DACH1: variants seen among roughly 807,000 people sequenced by gnomAD.
The protein encoded by DACH1 is dachshund family transcription factor 1.
In DACH1, 12 loss-of-function variants were observed where a neutral mutation model predicts 54.2. That is an observed-to-expected ratio of 0.22 (90% CI 0.14 to 0.36). The LOEUF (loss-of-function observed/expected upper bound fraction) is 0.36. Ranked by LOEUF, DACH1 falls within the 10% of genes least tolerant of loss-of-function variation. DACH1 has a pLI of 1.00. For missense variants in DACH1, 805 were observed against 929.8 expected (o/e 0.87, Z 1.75); for synonymous variants, 386 against 366.2 (o/e 1.05, Z -0.62).
chr13:71,799,001 A>T (rs1316114171), intron 1 of DACH1, among the ~76,000 whole-genome samples: 2 of 152,056 alleles, frequency 1.3e-5, no homozygotes, highest in African/African-American at 2.4e-5. Context: ...CACTTAATTG[A>T]TCTCTTTAGT....
At chr13:71,737,745 T>C (rs1451475720) in intron 1 of DACH1, among the ~76,000 whole-genome samples, 1 of 152,162 alleles carries the variant, frequency 6.6e-6, no homozygotes, top group East Asian at 1.9e-4. Context: ...TGTCCCAAAC[T>C]ACATCAGCAA....
At chr13:71,688,306 T>G (rs1393231381) in intron 1 of DACH1, among the ~76,000 whole-genome samples, 1 of 152,236 alleles carries the variant, frequency 6.6e-6, no homozygotes, top group East Asian at 1.9e-4. Flanking sequence ...CCTCAGTTTA[T>G]CAATGCATAG....
chr13:71,820,210 T>C (rs1025889098), intron 1 of DACH1, among the ~76,000 whole-genome samples: 1 of 150,288 alleles, frequency 6.7e-6, no homozygotes, highest in South Asian at 2.1e-4. Context: ...GACAGTCCAG[T>C]GCATCTACTG....
intron 3 of DACH1, among the ~76,000 whole-genome samples, chr13:71,583,900 T>TA (rs1300340582): frequency 1.3e-5 from 2 of 152,194 alleles, no homozygotes; most frequent in Non-Finnish European, 1.5e-5. Context: ...TATCTGATTC[T>TA]AAAAAATATT....
At chr13:71,506,629 G>A (rs1880349633) in intron 6 of DACH1, among the ~76,000 whole-genome samples, 1 of 151,958 alleles carries the variant, frequency 6.6e-6, no homozygotes, top group Non-Finnish European at 1.5e-5. Context: ...CAAAGCTGGA[G>A]GCATCACACT....
intron 1 of DACH1, among the ~76,000 whole-genome samples, chr13:71,775,969 A>G (rs554704991): frequency 2.0e-5 from 3 of 152,162 alleles, no homozygotes; most frequent in Non-Finnish European, 4.4e-5. Context: ...AATAAGCAGT[A>G]TAAGAATTAA....
chr13:71,512,304 T>C (rs1880835953), intron 6 of DACH1, among the ~76,000 whole-genome samples: 1 of 151,960 alleles, frequency 6.6e-6, no homozygotes, highest in Non-Finnish European at 1.5e-5. Context: ...TCCTCTGCCC[T>C]ACACATTCTT....
intron 1 of DACH1, among the ~76,000 whole-genome samples, chr13:71,852,798 A>T (rs945448550): frequency 6.6e-6 from 1 of 152,350 alleles, no homozygotes; most frequent in Non-Finnish European, 1.5e-5. Flanking sequence ...TTAACAAAGT[A>T]TAGAAACGAA....
At chr13:71,815,035 A>G (rs564039702) in intron 1 of DACH1, among the ~76,000 whole-genome samples, 1 of 152,334 alleles carries the variant, frequency 6.6e-6, no homozygotes, top group African/African-American at 2.4e-5. Context: ...AATCAAGAAC[A>G]AAATGCAACC....
chr13:71,599,789 C>T (rs1566369440), intron 3 of DACH1, among the ~76,000 whole-genome samples: 1 of 150,870 alleles, frequency 6.6e-6, no homozygotes, highest in Non-Finnish European at 1.5e-5. Flanking sequence ...AAAAGACTTT[C>T]CTTTTTGTAT....
In DACH1 at chr13:71,755,654, T is replaced by C. The variant is rs183534933; in HGVS notation, c.849-73744A>G. Among the ~76,000 whole-genome samples, 15 of 152,314 alleles carry C rather than the reference T, an allele frequency of 9.8e-5. No individual in the cohort carries two copies. The East Asian group carries it at 2.7e-3, about 27-fold the overall frequency. The stretch of plus-strand genomic sequence containing the variant: ...AATTCAGTACATTAAGAGGAAATGA[T>C]GTAGCTATCAATTTCTTCACATAGA... On this transcript the variant is annotated intron_variant, in intron 1 of 10. Transcript: ENST00000613252.
At chr13:71,598,374 C>T (rs901478271) in intron 3 of DACH1, among the ~76,000 whole-genome samples, 2 of 152,076 alleles carry the variant, frequency 1.3e-5, no homozygotes, top group Non-Finnish European at 2.9e-5. Context: ...TCTGCCTCAG[C>T]CTCCTGAGTA....
At chr13:71,857,992 C>T (rs1334492656) in intron 1 of DACH1, among the ~76,000 whole-genome samples, 3 of 151,522 alleles carry the variant, frequency 2.0e-5, no homozygotes, top group Admixed American at 6.6e-5. Context: ...TATCAGGATA[C>T]AGTTTAAGAT....
intron 4 of DACH1, among the ~76,000 whole-genome samples, chr13:71,562,659 C>T (rs554369163): frequency 2.2e-4 from 34 of 152,074 alleles, no homozygotes; most frequent in South Asian, 8.3e-4. Context: ...GCTTCTAAAA[C>T]GTCTAAGGCA....
At chr13:71,566,289 G>A (rs1884889835) in intron 4 of DACH1, among the ~76,000 whole-genome samples, 1 of 152,152 alleles carries the variant, frequency 6.6e-6, no homozygotes, top group African/African-American at 2.4e-5. Context: ...ACAAGTTGAT[G>A]TGGGGGTACG....
At chr13:71,747,269 GA>G (rs1047445717) in intron 1 of DACH1, among the ~76,000 whole-genome samples, 1 of 151,706 alleles carries the variant, frequency 6.6e-6, no homozygotes, top group Non-Finnish European at 1.5e-5. Flanking sequence ...GAATTAATAA[GA>G]AAAAATAATT....
intron 3 of DACH1, among the ~76,000 whole-genome samples, chr13:71,577,246 A>G (rs1262186316): frequency 2.6e-5 from 4 of 152,064 alleles, no homozygotes; most frequent in African/African-American, 9.7e-5. Flanking sequence ...CCTGCTCCCA[A>G]TCAGCAGTTC....
intron 10 of DACH1, among the ~76,000 whole-genome samples, chr13:71,463,901 C>T (rs886622446): frequency 6.6e-6 from 1 of 151,828 alleles, no homozygotes; most frequent in African/African-American, 2.4e-5. Context: ...TGGATTTCAT[C>T]CCTTCCAAGG....
intron 1 of DACH1, among the ~76,000 whole-genome samples, chr13:71,794,235 C>T (rs1360883220): frequency 6.6e-6 from 1 of 152,100 alleles, no homozygotes; most frequent in Admixed American, 6.6e-5. Context: ...AGTCAGATTC[C>T]TGTAAACCTT....
Sources: gnomAD v4.1 joint callset for allele counts (sites outside exome capture counted in the v4.1 genomes callset) on GRCh38, gnomAD v4.1.1 for gene constraint, MANE v1.5 for transcripts, NCBI Gene and HGNC (gene_info 2026-07-23, HGNC 2026-07-21) for gene names.